Variants in GUCY2C observed in about 807,000 individuals in gnomAD.
GUCY2C encodes guanylate cyclase 2C, also known as guanylyl cyclase C.
In GUCY2C, 118 loss-of-function variants were observed where a neutral mutation model predicts 131.1. The ratio of observed to expected loss-of-function variants is 0.90; its 90% confidence interval spans 0.78 to 1.05. The LOEUF is 1.05. Ranked by LOEUF, GUCY2C falls within the 50% of genes least tolerant of loss-of-function variation. The pLI is 0.00. For synonymous variants in GUCY2C, 452 were observed against 457.8 expected (o/e 0.99, Z 0.16); for missense variants, 1,161 against 1,304.4 (o/e 0.89, Z 1.69).
intron 10 of GUCY2C, among the ~76,000 whole-genome samples, chr12:14,662,842 T>C (rs570611714): frequency 7.2e-5 from 11 of 152,218 alleles, no homozygotes; most frequent in Admixed American, 1.3e-4. Flanking sequence ...TTATCAACCC[T>C]GGCAAAGAAA....
At chr12:14,627,209 T>A (rs1382993018) in intron 20 of GUCY2C, among the ~76,000 whole-genome samples, 1 of 152,200 alleles carries the variant, frequency 6.6e-6, no homozygotes, top group African/African-American at 2.4e-5. Context: ...ATTTTACTAT[T>A]ACAAGAATAA....
chr12:14,696,315 G>A lies in GUCY2C; in HGVS notation c.134C>T (p.Ser45Leu). 6.2e-7 allele frequency: 1 copy of A among 1,614,132 alleles called. No homozygotes were observed. The highest frequency in any genetic ancestry group is 8.5e-7 in the Non-Finnish European group (1 of 1,179,998). The change falls in exon 1 of 27, where the codon TCA becomes TTA. Residue 45 changes from serine to leucine, a missense_variant. By Grantham distance (145) the Ser-to-Leu change is moderately radical. Transcript: ENST00000261170. The part of the protein sequence containing the change: ...YEISVLMMGN[S>L]AFAEPLKNLE... ...GTTTTTCAGGGGCTCTGCAAAGGCT[G>A]AGTTGCCCATCATCAGGACGCTGAT...
intron 1 of GUCY2C, among the ~76,000 whole-genome samples, chr12:14,691,236 G>A (rs1948570043): frequency 2.0e-5 from 3 of 152,178 alleles, no homozygotes; most frequent in Admixed American, 2.0e-4. Flanking sequence ...CAGTACTTTG[G>A]TAGGACTAGC....
intron 10 of GUCY2C, among the ~76,000 whole-genome samples, chr12:14,664,607 C>T (rs1291338103): frequency 1.3e-5 from 2 of 152,104 alleles, no homozygotes; most frequent in Non-Finnish European, 2.9e-5. Context: ...CAAGGTTAAG[C>T]TTCTGCTGCC....
intron 23 of GUCY2C, 44 bp downstream of exon 23, chr12:14,620,998 C>T (rs770774471): frequency 1.4e-6 from 2 of 1,459,344 alleles, no homozygotes; most frequent in East Asian, 2.3e-5. Flanking sequence ...TGGTGCACAG[C>T]AGTACATATG....
intron 1 of GUCY2C, among the ~76,000 whole-genome samples, chr12:14,690,564 A>G (rs541707726): frequency 6.6e-6 from 1 of 151,736 alleles, no homozygotes; most frequent in Non-Finnish European, 1.5e-5. Flanking sequence ...CTTCTTTGAG[A>G]CAGAGTCTGC....
At chr12:14,682,951 A>G (rs1948378043) in intron 4 of GUCY2C, 91 bp downstream of exon 4, 1 of 783,704 alleles carries the variant, frequency 1.3e-6, no homozygotes, top group South Asian at 1.6e-5. Flanking sequence ...TTACCAGTGG[A>G]AGGTGCATCT....
intron 26 of GUCY2C, among the ~76,000 whole-genome samples, chr12:14,614,050 G>A (rs1382318107): frequency 6.6e-6 from 1 of 152,090 alleles, no homozygotes; most frequent in African/African-American, 2.4e-5. Flanking sequence ...TTTTCATCAG[G>A]CAACTCAACA....
chr12:14,647,125 C>A (rs1289152347), intron 15 of GUCY2C, among the ~76,000 whole-genome samples: 1 of 152,102 alleles, frequency 6.6e-6, no homozygotes, highest in Admixed American at 6.5e-5. Context: ...ATTATCTGAG[C>A]ACCATTTTTA....
chr12:14,627,133 G>A (rs571985026), intron 20 of GUCY2C, among the ~76,000 whole-genome samples: 55 of 152,292 alleles, frequency 3.6e-4, no homozygotes, highest in African/African-American at 1.3e-3. Context: ...TCCTAGCATT[G>A]TGAGGATCAG....
intron 15 of GUCY2C, 32 bp from the exon 16 acceptor site, chr12:14,645,347 T>C (rs1393597088): frequency 9.0e-7 from 1 of 1,114,082 alleles, no homozygotes; most frequent in Non-Finnish European, 1.4e-6. Flanking sequence ...GAAGAAAAGT[T>C]GTTGCAAGAA....
At chr12:14,616,801 C>CTG in intron 24 of GUCY2C, 74 bp from the exon 25 acceptor site, 1 of 818,898 alleles carries the variant, frequency 1.2e-6, no homozygotes, top group South Asian at 1.3e-5. Flanking sequence ...TTCAGGATAT[C>CTG]AACAACACCT....
At chr12:14,686,339 A>G in intron 2 of GUCY2C, 114 bp from the exon 3 acceptor site, 1 of 728,478 alleles carries the variant, frequency 1.4e-6, no homozygotes. Flanking sequence ...GCCTCCCAAA[A>G]TGCTCAAACT....
intron 1 of GUCY2C, among the ~76,000 whole-genome samples, chr12:14,692,850 G>GAATA (rs930929576): frequency 2.6e-5 from 4 of 151,758 alleles, no homozygotes; most frequent in African/African-American, 7.3e-5. Flanking sequence ...ACTCTGTCCC[G>GAATA]AATAAATAAA....
intron 11 of GUCY2C, among the ~76,000 whole-genome samples, chr12:14,659,510 G>A (rs1947824961): frequency 6.6e-6 from 1 of 152,114 alleles, no homozygotes; most frequent in African/African-American, 2.4e-5. Context: ...TCAAGGCCAT[G>A]CCTTCCTTAA....
chr12:14,686,577 GT>G (rs1948474929), intron 2 of GUCY2C, among the ~76,000 whole-genome samples: 1 of 152,124 alleles, frequency 6.6e-6, no homozygotes, highest in African/African-American at 2.4e-5. Context: ...AGATTTGGAG[GT>G]GCTTTGAAGG....
At chr12:14,681,530 A>G in intron 4 of GUCY2C, 53 bp from the exon 5 acceptor site, 1 of 1,492,040 alleles carries the variant, frequency 6.7e-7, no homozygotes. Flanking sequence ...ATGGCCTTTC[A>G]TGCCTTTCAC....
intron 2 of GUCY2C, among the ~76,000 whole-genome samples, chr12:14,687,348 A>T (rs1014109732): frequency 2.0e-5 from 3 of 152,214 alleles, no homozygotes; most frequent in African/African-American, 7.2e-5. Flanking sequence ...GGCTGGGCGC[A>T]GTGGCTCATG....
In GUCY2C at chr12:14,683,177, C is replaced by G; in HGVS notation, c.476G>C (p.Arg159Thr). ...CAACTTTCTAGCTGGAGACATCAGC[C>G]TGGTTAAGGTTTCTTTATAGTCACA... is the stretch of plus-strand genomic sequence containing the variant. Reference protein sequence around the residue: ...LSCDYKETLTRLMSPARKLMY... With the variant: ...LSCDYKETLTTLMSPARKLMY... Residue 159 changes from arginine to threonine, a missense_variant, in exon 4 of 27, where the codon AGG (arginine) becomes ACG (threonine). By Grantham distance (71) the Arg-to-Thr change is moderately conservative. Coordinates refer to ENST00000261170, the MANE Select transcript of GUCY2C (RefSeq NM_004963.4). The G allele has an allele frequency of 6.2e-7, 1 of 1,613,500 alleles. No homozygotes were observed. Among genetic ancestry groups the G allele is most frequent in the East Asian group, 2.2e-5 (1 of 44,854 alleles).
Sources: gnomAD v4.1 joint callset for allele counts (sites outside exome capture counted in the v4.1 genomes callset) on GRCh38, gnomAD v4.1.1 for gene constraint, MANE v1.5 for transcripts, NCBI Gene and HGNC (gene_info 2026-07-23, HGNC 2026-07-21) for gene names.